The following PTPRT variants were observed in gnomAD, a reference collection of about 807,000 sequenced individuals.
PTPRT encodes receptor-type tyrosine-protein phosphatase T.
A neutral mutation model predicts 176.8 loss-of-function variants in PTPRT; 56 were observed. The observed-to-expected ratio is 0.32, with a 90% CI of 0.26 to 0.40. PTPRT has a LOEUF of 0.40. Ranked by LOEUF, PTPRT falls within the 10% of genes least tolerant of loss-of-function variation. The probability of loss-of-function intolerance (pLI) is 1.00; values close to 1 mark genes in which losing one functional copy is unlikely to be tolerated. For synonymous variants in PTPRT, 783 were observed against 739.0 expected, an observed-to-expected ratio of 1.06 and a Z score of -0.96; for missense variants, 1,540 against 1,908.2, an observed-to-expected ratio of 0.81 and a Z score of 3.60.
chr20:42,446,762 G>GAGT (rs1480258673), intron 9 of PTPRT, among the ~76,000 whole-genome samples: 1 of 152,074 alleles, frequency 6.6e-6, no homozygotes, highest in African/African-American at 2.4e-5. Context: ...GTATTAGTAT[G>GAGT]AGTACCTGCC....
chr20:42,734,763 C>A (rs1413314926), intron 6 of PTPRT, among the ~76,000 whole-genome samples: 1 of 152,200 alleles, frequency 6.6e-6, no homozygotes, highest in Non-Finnish European at 1.5e-5. Flanking sequence ...ATTCCAGGAA[C>A]TAGTCTGAAG....
chr20:42,496,914 T>C (rs1170642351), intron 7 of PTPRT, among the ~76,000 whole-genome samples: 1 of 152,176 alleles, frequency 6.6e-6, no homozygotes, highest in Non-Finnish European at 1.5e-5. Context: ...TCATGACCCC[T>C]GAATTAGAGA....
intron 9 of PTPRT, among the ~76,000 whole-genome samples, chr20:42,380,676 C>T (rs2058690572): frequency 6.6e-6 from 1 of 152,194 alleles, no homozygotes; most frequent in Non-Finnish European, 1.5e-5. Flanking sequence ...TTGCACTTAT[C>T]ATGCTGTCTT....
intron 2 of PTPRT, among the ~76,000 whole-genome samples, chr20:42,835,636 T>A (rs943516661): frequency 6.6e-6 from 1 of 152,154 alleles, no homozygotes; most frequent in Non-Finnish European, 1.5e-5. Flanking sequence ...AGACAAGAAC[T>A]TTTTTTCATC....
At chr20:42,929,616 A>T (rs988560096) in intron 1 of PTPRT, among the ~76,000 whole-genome samples, 1 of 152,248 alleles carries the variant, frequency 6.6e-6, no homozygotes, top group African/African-American at 2.4e-5. Flanking sequence ...AGGACAGAGA[A>T]GTTAGGGAAG....
chr20:42,383,473 A>G (rs2058715533), intron 9 of PTPRT, among the ~76,000 whole-genome samples: 1 of 152,144 alleles, frequency 6.6e-6, no homozygotes, highest in Non-Finnish European at 1.5e-5. Flanking sequence ...ACCTTGAAGC[A>G]GTCTCACCAA....
intron 7 of PTPRT, among the ~76,000 whole-genome samples, chr20:42,510,948 G>C (rs897777299): frequency 6.6e-6 from 1 of 152,160 alleles, no homozygotes; most frequent in Non-Finnish European, 1.5e-5. Context: ...GGGCCTTTAA[G>C]AAGTGAATGA....
At chr20:42,268,526 C>A (rs1300748222) in intron 13 of PTPRT, among the ~76,000 whole-genome samples, 1 of 152,196 alleles carries the variant, frequency 6.6e-6, no homozygotes, top group Non-Finnish European at 1.5e-5. Context: ...ATCTGCAACT[C>A]CCACCTCCCT....
At chr20:42,328,901 C>G (rs1031433078) in intron 11 of PTPRT, among the ~76,000 whole-genome samples, 1 of 152,132 alleles carries the variant, frequency 6.6e-6, no homozygotes, top group East Asian at 1.9e-4. Flanking sequence ...AGCTGGTAAA[C>G]CAAGATAATA....
intron 2 of PTPRT, among the ~76,000 whole-genome samples, chr20:42,833,297 A>T (rs1428354858): frequency 6.6e-6 from 1 of 151,520 alleles, no homozygotes; most frequent in African/African-American, 2.4e-5. Flanking sequence ...TTGGCCAAGC[A>T]TGAAGGTTCA....
At chr20:42,351,351 G>A (rs1351543670) in intron 10 of PTPRT, among the ~76,000 whole-genome samples, 3 of 152,004 alleles carry the variant, frequency 2.0e-5, no homozygotes, top group African/African-American at 7.3e-5. Context: ...GTAAAAACAC[G>A]GAAGCACCAA....
Position 42,517,082 on chromosome 20 carries a change from T to G in PTPRT, c.1154-44520A>C, listed in dbSNP as rs546209421. On this transcript the variant is annotated intron_variant, in intron 7 of 30. Coordinates refer to ENST00000373187, the MANE Select transcript of PTPRT (RefSeq NM_007050.6). ...TTAATCAGAGAAAGTTTCATTTCTTTTTTGTAAGATTTTATGTAAGATTAG... is the reference window on the plus strand; with the variant it reads ...TTAATCAGAGAAAGTTTCATTTCTTGTTTGTAAGATTTTATGTAAGATTAG... 2.0e-4 allele frequency among the ~76,000 whole-genome samples: 31 copies of G among 152,214 alleles called. No homozygotes were observed. The South Asian group carries it at 5.8e-3, about 28-fold the overall frequency.
intron 4 of PTPRT, among the ~76,000 whole-genome samples, chr20:42,774,701 AT>A (rs1269697289): frequency 6.6e-6 from 1 of 152,148 alleles, no homozygotes; most frequent in Admixed American, 6.5e-5. Flanking sequence ...CCACCACTCC[AT>A]GCGGTACGCG....
At chr20:43,014,506 C>A (rs748207156) in intron 1 of PTPRT, among the ~76,000 whole-genome samples, 8 of 152,148 alleles carry the variant, frequency 5.3e-5, no homozygotes, top group African/African-American at 9.7e-5. Flanking sequence ...CCAGTGACTT[C>A]AGAGACCACA....
chr20:42,303,709 C>T (rs761198604), intron 12 of PTPRT, among the ~76,000 whole-genome samples: 3 of 152,118 alleles, frequency 2.0e-5, no homozygotes, highest in East Asian at 1.9e-4. Flanking sequence ...TGGGAAGAAG[C>T]GTTAGGAGAC....
intron 9 of PTPRT, among the ~76,000 whole-genome samples, chr20:42,392,513 C>T (rs1313237709): frequency 6.6e-6 from 1 of 152,070 alleles, no homozygotes; most frequent in Non-Finnish European, 1.5e-5. Flanking sequence ...TGCCATTTTG[C>T]AATGACCTAC....
At chr20:42,097,896 G>T (rs1985427367) in intron 27 of PTPRT, among the ~76,000 whole-genome samples, 1 of 152,230 alleles carries the variant, frequency 6.6e-6, no homozygotes, top group Non-Finnish European at 1.5e-5. Context: ...TCAGAACAGA[G>T]GGGCTAAGGC....
intron 18 of PTPRT, among the ~76,000 whole-genome samples, chr20:42,135,685 G>A (rs1988340287): frequency 6.6e-6 from 1 of 152,182 alleles, no homozygotes; most frequent in African/African-American, 2.4e-5. Context: ...TGTGTGAAAA[G>A]TGTAAGATGT....
At chr20:42,085,628 C>T in intron 28 of PTPRT, 100 bp downstream of exon 28, 4 of 1,520,372 alleles carry the variant, frequency 2.6e-6, no homozygotes, top group Non-Finnish European at 3.6e-6. Flanking sequence ...CAGGAGAGCA[C>T]AACACAGACT....
Sources: gnomAD v4.1 joint callset for allele counts (sites outside exome capture counted in the v4.1 genomes callset) on GRCh38, gnomAD v4.1.1 for gene constraint, MANE v1.5 for transcripts, NCBI Gene and HGNC (gene_info 2026-07-23, HGNC 2026-07-21) for gene names.